Variants in GULP1 observed in about 807,000 individuals in gnomAD.
The protein encoded by GULP1 is GULP PTB domain containing engulfment adaptor 1, also known as PTB domain-containing engulfment adapter protein 1.
A neutral mutation model predicts 40.9 loss-of-function variants in GULP1; 19 were observed. That is an observed-to-expected ratio of 0.46 (90% CI 0.32 to 0.68). The LOEUF (loss-of-function observed/expected upper bound fraction) is 0.68. Among genes scored for constraint, GULP1 ranks in the 30% least tolerant of loss-of-function variants. The pLI, the probability that GULP1 is intolerant of heterozygous loss-of-function variation, is 0.03. For missense variants in GULP1, 312 were observed against 362.2 expected, an observed-to-expected ratio of 0.86 and a Z score of 1.12; for synonymous variants, 119 against 117.6, an observed-to-expected ratio of 1.01 and a Z score of -0.08.
intron 2 of GULP1, among the ~76,000 whole-genome samples, chr2:188,470,839 T>C (rs1407114612): frequency 6.6e-6 from 1 of 152,208 alleles, no homozygotes; most frequent in African/African-American, 2.4e-5. Flanking sequence ...ATATGATCTA[T>C]CCTTGAGAAT....
At chr2:188,364,300 T>C (rs2046456709) in intron 1 of GULP1, among the ~76,000 whole-genome samples, 1 of 151,994 alleles carries the variant, frequency 6.6e-6, no homozygotes, top group African/African-American at 2.4e-5. Flanking sequence ...CTCAGGGTTA[T>C]TGGGTTACTT....
intron 1 of GULP1, among the ~76,000 whole-genome samples, chr2:188,366,436 T>G (rs749573445): frequency 6.6e-6 from 1 of 152,110 alleles, no homozygotes; most frequent in Non-Finnish European, 1.5e-5. Context: ...AGTGCACATA[T>G]TTCTGTGTTA....
At chr2:188,401,090 G>A (rs578200992) in intron 2 of GULP1, among the ~76,000 whole-genome samples, 1 of 152,144 alleles carries the variant, frequency 6.6e-6, no homozygotes, top group Admixed American at 6.6e-5. Context: ...TATGAGACTA[G>A]TGATGTTGAA....
At chr2:188,384,367 A>G (rs931304501) in intron 2 of GULP1, 1 of 152,142 alleles carries the variant, frequency 6.6e-6, no homozygotes, top group East Asian at 1.9e-4. Context: ...TGTGAGACCC[A>G]CTCACTATCA....
At chr2:188,406,858 A>G (rs1176474927) in intron 2 of GULP1, among the ~76,000 whole-genome samples, 2 of 152,152 alleles carry the variant, frequency 1.3e-5, no homozygotes, top group Non-Finnish European at 2.9e-5. Flanking sequence ...ACAAAGGGGA[A>G]GAAAACTTTC....
At chr2:188,565,494 A>G (rs1697438923) in intron 7 of GULP1, among the ~76,000 whole-genome samples, 1 of 152,042 alleles carries the variant, frequency 6.6e-6, no homozygotes, top group South Asian at 2.1e-4. Context: ...TTACTATAGC[A>G]TCACTCATCC....
At chr2:188,580,536 G>C (rs1350185327) in intron 9 of GULP1, among the ~76,000 whole-genome samples, 1 of 125,326 alleles carries the variant, frequency 8.0e-6, no homozygotes, top group Non-Finnish European at 1.6e-5. Context: ...CTGGGCGACA[G>C]AGCGAGACTC....
intron 2 of GULP1, among the ~76,000 whole-genome samples, chr2:188,472,727 C>G (rs891232566): frequency 6.6e-6 from 1 of 152,140 alleles, no homozygotes; most frequent in African/African-American, 2.4e-5. Flanking sequence ...TTCAACAAAG[C>G]TATTTTGAAT....
At chr2:188,311,825 T>A (rs150136159) in intron 1 of GULP1, among the ~76,000 whole-genome samples, 2,178 of 148,106 alleles carry the variant, frequency 0.015, 51 homozygotes, top group African/African-American at 0.049. Flanking sequence ...CGTATAAGTA[T>A]ATACATATGT....
chr2:188,538,904 T>G (rs1159288385), intron 6 of GULP1, among the ~76,000 whole-genome samples: 3 of 152,102 alleles, frequency 2.0e-5, no homozygotes, highest in African/African-American at 7.2e-5. Context: ...TAAAATAAAT[T>G]TATTTATAGT....
At chr2:188,449,865 A>T (rs963135527) in intron 2 of GULP1, among the ~76,000 whole-genome samples, 48 of 152,204 alleles carry the variant, frequency 3.2e-4, no homozygotes, top group African/African-American at 1.0e-3. Flanking sequence ...TTTTAGCAAT[A>T]GTTCAAATGG....
chr2:188,440,377 G>A (rs1207586434), intron 2 of GULP1, among the ~76,000 whole-genome samples: 5 of 152,104 alleles, frequency 3.3e-5, no homozygotes, highest in African/African-American at 1.2e-4. Flanking sequence ...GTTACCAATG[G>A]GGAATACCTC....
At chr2:188,528,132 G>A (rs1033208470) in intron 5 of GULP1, among the ~76,000 whole-genome samples, 5 of 152,112 alleles carry the variant, frequency 3.3e-5, no homozygotes, top group Admixed American at 6.6e-5. Flanking sequence ...GGAATGTAGG[G>A]AGAGAGTAAA....
intron 1 of GULP1, among the ~76,000 whole-genome samples, chr2:188,329,568 G>T (rs1252325057): frequency 1.3e-5 from 2 of 152,064 alleles, no homozygotes; most frequent in African/African-American, 4.8e-5. Flanking sequence ...AAGTCAGAGA[G>T]GTAGTAGAAT....
chr2:188,352,618 T>A (rs10164751), intron 1 of GULP1, among the ~76,000 whole-genome samples: 27,683 of 133,524 alleles, frequency 0.21, 3,298 homozygotes, highest in African/African-American at 0.33. Context: ...TCTCTCTCTC[T>A]CACACACACA....
chr2:188,293,934 T>G (rs1216621668), intron 1 of GULP1: 5 of 152,172 alleles, frequency 3.3e-5, no homozygotes, highest in African/African-American at 7.2e-5. Flanking sequence ...CAATGAGAAT[T>G]TTTAGGTGGC....
intron 4 of GULP1, among the ~76,000 whole-genome samples, chr2:188,488,457 G>T (rs1316064604): frequency 6.6e-6 from 1 of 152,080 alleles, no homozygotes; most frequent in South Asian, 2.1e-4. Context: ...TCAGTGTTTG[G>T]TATGACAAAA....
chr2:188,323,858 G>A (rs1010595762), intron 1 of GULP1, among the ~76,000 whole-genome samples: 3 of 151,792 alleles, frequency 2.0e-5, no homozygotes, highest in African/African-American at 7.3e-5. Context: ...GGAGGGGATT[G>A]CTGGCGTATC....
At chr2:188,591,151 A>G (rs533389091) in intron 11 of GULP1, 2 of 152,142 alleles carry the variant, frequency 1.3e-5, no homozygotes, top group South Asian at 4.1e-4. Context: ...AGTTCACAAA[A>G]GAAGACCACA....
Sources: allele counts gnomAD v4.1 joint callset (sites outside exome capture counted in the v4.1 genomes callset), GRCh38; gene constraint gnomAD v4.1.1; transcripts MANE v1.5; gene names NCBI Gene and HGNC (gene_info 2026-07-23, HGNC 2026-07-21).